The following FCRL6 variants were observed in gnomAD, a reference collection of about 807,000 sequenced individuals.
FCRL6 encodes the protein Fc receptor-like protein 6.
A neutral mutation model predicts 49.1 loss-of-function variants in FCRL6; 50 were observed. The observed-to-expected ratio is 1.02, with a 90% confidence interval of 0.81 to 1.29. The LOEUF is 1.29. Among genes scored for constraint, FCRL6 ranks in the 50% most tolerant of loss-of-function variants. FCRL6 has a pLI of 0.00. For missense variants in FCRL6, 571 were observed against 518.5 expected (o/e 1.10, Z -0.98); for synonymous variants, 213 against 199.6 (o/e 1.07, Z -0.57).
intron 4 of FCRL6, 68 bp downstream of exon 4, chr1:159,809,313 T>A (rs1179510625): frequency 6.5e-7 from 1 of 1,527,224 alleles, no homozygotes; most frequent in Non-Finnish European, 8.8e-7. Flanking sequence ...CCCCTGGGAC[T>A]AAAGGAGTTG....
chr1:159,811,900 CA>C lies in FCRL6; in HGVS notation c.1010-1588del, dbSNP rs566884373. ...TAATACAGGTGTTTCTGTTTCTGTC[CA>C]CTCACCTCTGAGTCAAAGCATTAAA... is the stretch of plus-strand genomic sequence containing the variant. On this transcript the variant is annotated intron_variant, in intron 6 of 9. Transcript: ENST00000368106. Among the ~76,000 whole-genome samples, 139 of 152,308 alleles carry C rather than the reference CA, an allele frequency of 9.1e-4. 1 individual carries two copies. The highest frequency in any genetic ancestry group is 3.2e-3 in the African/African-American group (133 of 41,568).
At chr1:159,813,192 C>G (rs1376505542) in intron 6 of FCRL6, among the ~76,000 whole-genome samples, 1 of 152,132 alleles carries the variant, frequency 6.6e-6, no homozygotes, top group East Asian at 1.9e-4. Flanking sequence ...TAGCTTTTTT[C>G]CTTCTGAAAA....
chr1:159,811,787 G>T (rs559124123), intron 6 of FCRL6, among the ~76,000 whole-genome samples: 1 of 152,274 alleles, frequency 6.6e-6, no homozygotes, highest in Admixed American at 6.5e-5. Flanking sequence ...GAGGCAGCCG[G>T]AGTAGGGAAC....
intron 6 of FCRL6, among the ~76,000 whole-genome samples, chr1:159,812,547 CACATCCCGTAAA>C (rs1663150118): frequency 6.6e-6 from 1 of 152,192 alleles, no homozygotes; most frequent in African/African-American, 2.4e-5. Flanking sequence ...CCAGTTGTCA[CACATCCCGTAAA>C]ACAAAGTTCT....
intron 7 of FCRL6, 125 bp from the exon 8 acceptor site, chr1:159,814,096 A>T: frequency 2.3e-6 from 2 of 851,548 alleles, no homozygotes; most frequent in Admixed American, 2.2e-5. Flanking sequence ...TTAGTGACCA[A>T]CCCTCATTGC....
rs1421901929 is a variant in FCRL6 at position 159,808,376 on chromosome 1, C to A, written c.251C>A (p.Ser84Tyr). ...TVQSRGQYSC[S>Y]GQVMYIPQTF... ...CAGAGCCGTGGCCAGTACAGCTGCT[C>A]TGGGCAGGTGATGTATATTCCACAG... is the stretch of plus-strand genomic sequence containing the variant. The change falls in exon 3 of 10, where the codon TCT becomes TAT. Residue 84 changes from serine (S) to tyrosine (Y), a missense_variant. By Grantham distance (144) the Ser-to-Tyr change is moderately radical (BLOSUM62 -2). Coordinates refer to ENST00000368106, the MANE Select transcript of FCRL6 (RefSeq NM_001004310.3). The A allele has an allele frequency of 6.2e-7, 1 of 1,614,174 alleles. No individual in the cohort carries two copies. The highest frequency in any genetic ancestry group is 1.1e-5 in the South Asian group (1 of 91,072).
chr1:159,814,412 C>G (rs986462582), intron 8 of FCRL6, 120 bp downstream of exon 8: 43 of 705,880 alleles, frequency 6.1e-5, no homozygotes, highest in Non-Finnish European at 7.9e-5. Flanking sequence ...ATCACTATCA[C>G]CAAGACCATC....
intron 6 of FCRL6, among the ~76,000 whole-genome samples, chr1:159,810,939 A>T (rs1663055131): frequency 6.6e-6 from 1 of 152,196 alleles, no homozygotes; most frequent in Non-Finnish European, 1.5e-5. Flanking sequence ...GTGGGTGCTC[A>T]GTAAATTCTC....
chr1:159,815,787 A>ACCAGGACAAGGGCTCAGGGG lies in FCRL6; in HGVS notation c.*126_*127insCCAGGACAAGGGCTCAGGGG. On this transcript the variant is annotated 3_prime_UTR_variant, in exon 10 of 10. Transcript: ENST00000368106. ...AAGCCCAGCATCACAGAGCCCCCTG[A>ACCAGGACAAGGGCTCAGGGG]GCCCTTGTCCTGGTCAGGAGCACCT... is the stretch of plus-strand genomic sequence containing the variant. 1 of 1,245,318 alleles carries ACCAGGACAAGGGCTCAGGGG rather than the reference A, an allele frequency of 8.0e-7. No homozygotes were observed. The highest frequency in any genetic ancestry group is 1.1e-6 in the Non-Finnish European group (1 of 888,958). The allele number at this position is 1,245,318 out of a possible 1,614,324, so 77.1% of individuals were successfully genotyped here.
rs201852570 is a variant in FCRL6, at chr1:159,815,686, C to T, written c.*25C>T. 51 of 1,612,878 alleles carry T rather than the reference C, an allele frequency of 3.2e-5. No homozygotes were observed. Among genetic ancestry groups the T allele is most frequent in the South Asian group, 4.4e-5 (4 of 91,000 alleles). ...GTGATGGTGTTCTCCTATCAACACA[C>T]GCCCACCCCCAGTCTCCAGTGCTCC... On this transcript the variant is annotated 3_prime_UTR_variant, in exon 10 of 10. Coordinates refer to ENST00000368106, the MANE Select transcript of FCRL6 (RefSeq NM_001004310.3).
At chr1:159,805,919 G>A (rs750024024) in intron 1 of FCRL6, among the ~76,000 whole-genome samples, 5 of 152,216 alleles carry the variant, frequency 3.3e-5, no homozygotes, top group African/African-American at 4.8e-5. Context: ...AGGCACATTC[G>A]TACAAGAGTC....
rs35110859 is a variant in FCRL6 at position 159,810,117 on chromosome 1, G to T, written c.910G>T (p.Ala304Ser). 1.2e-6 allele frequency: 2 copies of T among 1,613,206 alleles called. No homozygotes were observed. Among genetic ancestry groups the T allele is most frequent in the Admixed American group, 1.7e-5 (1 of 59,886 alleles). Residue 304 changes from alanine to serine, a missense_variant, in exon 6 of 10, where the codon GCC becomes TCC. Coordinates refer to ENST00000368106, the MANE Select transcript of FCRL6 (RefSeq NM_001004310.3). Reference sequence around the variant, plus strand: ...AGGTTCTCAAGTCTTGTTCACTCCCGCCAGCAACTGGCTGGTTCCTTGGCT... The same window carrying T: ...AGGTTCTCAAGTCTTGTTCACTCCCTCCAGCAACTGGCTGGTTCCTTGGCT... Reference protein sequence around the residue: ...LKGSQVLFTPASNWLVPWLPA... With the variant: ...LKGSQVLFTPSSNWLVPWLPA...
chr1:159,815,883 C>G lies in FCRL6; in HGVS notation c.*222C>G. The G allele has an allele frequency of 1.9e-6, 1 of 531,116 alleles. No homozygotes were observed. Among genetic ancestry groups the G allele is most frequent in the Non-Finnish European group, 3.4e-6 (1 of 294,282 alleles). The allele number at this position is 531,116 out of a possible 1,614,324, so 32.9% of individuals were successfully genotyped here. A position where few individuals can be genotyped will look rare whatever the true frequency, so the allele number is the denominator to read the frequency against. Reference sequence around the variant, plus strand: ...GAAGGGAGATGCTCCCACCAACACACACACTTAGGTTCAATCAGTGACACT... The same window carrying G: ...GAAGGGAGATGCTCCCACCAACACAGACACTTAGGTTCAATCAGTGACACT... On this transcript the variant is annotated 3_prime_UTR_variant, in exon 10 of 10. Coordinates refer to ENST00000368106, the MANE Select transcript of FCRL6 (RefSeq NM_001004310.3).
chr1:159,802,268 A>T (rs1474219595), upstream of FCRL6: 1 of 621,972 alleles, frequency 1.6e-6, no homozygotes, highest in Admixed American at 2.8e-5. Context: ...GAGCTTTGTA[A>T]GTTTCTTTTC....
At chr1:159,802,959 A>T (rs140668130) in intron 1 of FCRL6, among the ~76,000 whole-genome samples, 1 of 152,342 alleles carries the variant, frequency 6.6e-6, no homozygotes, top group East Asian at 1.9e-4. Flanking sequence ...TCTTAGAACC[A>T]GGTAACAATG....
Position 159,814,221 on chromosome 1 carries a change from T to A in FCRL6, c.1076T>A (p.Val359Glu). ...ATTTAAGCCTCATTCCTTCTTCCAG[T>A]GCATCACCAGAAAGGGAAAGATGAA... The part of the protein sequence containing the change: ...GGEQCPLYAN[V>E]HHQKGKDEGV... Residue 359 changes from valine (V) to glutamate (E), a missense_variant and splice_region_variant, in exon 8 of 10, where the codon GTG (valine) becomes GAG (glutamate). Coordinates refer to ENST00000368106, the MANE Select transcript of FCRL6 (RefSeq NM_001004310.3). 6.2e-7 allele frequency: 1 copy of A among 1,613,826 alleles called. No homozygotes were observed. Among genetic ancestry groups the A allele is most frequent in the African/African-American group, 1.3e-5 (1 of 75,016 alleles).
At chr1:159,814,017 G>T (rs1663237944) in intron 7 of FCRL6, among the ~76,000 whole-genome samples, 2 of 149,812 alleles carry the variant, frequency 1.3e-5, no homozygotes, top group Non-Finnish European at 2.9e-5. Context: ...CAGTGTCAGG[G>T]CTAGGGAAGC....
At chr1:159,811,538 G>T (rs1663086425) in intron 6 of FCRL6, among the ~76,000 whole-genome samples, 1 of 152,156 alleles carries the variant, frequency 6.6e-6, no homozygotes, top group Non-Finnish European at 1.5e-5. Context: ...ATCCACCAGG[G>T]TACCTGAAAA....
In FCRL6 at chr1:159,809,270, G is replaced by T. The variant is rs200857665; in HGVS notation, c.604+25G>T. On this transcript the variant is annotated intron_variant, in intron 4 of 9. Coordinates refer to ENST00000368106, the MANE Select transcript of FCRL6 (RefSeq NM_001004310.3). ...GGTAAGTGCGCGAGAGAGTGGAGATGCCCCCAGGGCCCTGGGCGTCAGGCA... is the reference window on the plus strand; with the variant it reads ...GGTAAGTGCGCGAGAGAGTGGAGATTCCCCCAGGGCCCTGGGCGTCAGGCA... 6.7e-4 allele frequency: 1,021 copies of T among 1,528,322 alleles called. 1 individual carries two copies. Among genetic ancestry groups the T allele is most frequent in the Non-Finnish European group, 8.5e-4 (974 of 1,140,550 alleles). The allele number at this position is 1,528,322 out of a possible 1,614,324, so 94.7% of individuals were successfully genotyped here.
Sources: allele counts gnomAD v4.1 joint callset (sites outside exome capture counted in the v4.1 genomes callset), GRCh38; gene constraint gnomAD v4.1.1; transcripts MANE v1.5; gene names NCBI Gene and HGNC (gene_info 2026-07-23, HGNC 2026-07-21).